Variants in EYA3 observed in about 807,000 individuals in gnomAD.
EYA3 encodes the protein EYA transcriptional coactivator and phosphatase 3, also known as protein phosphatase EYA3.
In EYA3, 39 loss-of-function variants were observed where a neutral mutation model predicts 80.0. The ratio of observed to expected loss-of-function variants is 0.49; its 90% CI spans 0.38 to 0.64. EYA3 has a LOEUF of 0.64. EYA3 is among the 30% of genes least tolerant of loss of function. EYA3 has a pLI of 0.00. For missense variants in EYA3, 523 were observed against 676.1 expected (o/e 0.77, Z 2.51); for synonymous variants, 206 against 232.8 (o/e 0.88, Z 1.05).
intron 1 of EYA3, among the ~76,000 whole-genome samples, chr1:28,060,020 A>AT (rs1410883820): frequency 6.6e-6 from 1 of 152,054 alleles, no homozygotes; most frequent in African/African-American, 2.4e-5. Flanking sequence ...CAAGTTGTTG[A>AT]TTTTTTGTGT....
chr1:27,983,427 ATTGT>A (rs1290036857), intron 16 of EYA3, among the ~76,000 whole-genome samples: 3 of 152,170 alleles, frequency 2.0e-5, no homozygotes, highest in Non-Finnish European at 2.9e-5. Flanking sequence ...TTCCCATTAC[ATTGT>A]TAGATTTAAG....
At chr1:28,035,425 G>T (rs1643391737) in intron 6 of EYA3, 119 bp downstream of exon 6, 1 of 1,080,948 alleles carries the variant, frequency 9.3e-7, no homozygotes. Flanking sequence ...CTGTTGCAAA[G>T]TTGCATACCC....
intron 15 of EYA3, among the ~76,000 whole-genome samples, chr1:27,989,443 C>T (rs981419645): frequency 6.6e-6 from 1 of 152,148 alleles, no homozygotes; most frequent in Non-Finnish European, 1.5e-5. Context: ...TTATGGGTTA[C>T]TGAGTTTTAA....
intron 8 of EYA3, among the ~76,000 whole-genome samples, chr1:28,016,767 C>A (rs1358109126): frequency 6.6e-6 from 1 of 152,114 alleles, no homozygotes; most frequent in Admixed American, 6.5e-5. Flanking sequence ...ATGAGTTGTT[C>A]ATTCCATAAA....
intron 1 of EYA3, among the ~76,000 whole-genome samples, chr1:28,079,739 T>C (rs369052710): frequency 1.5e-4 from 23 of 152,086 alleles, no homozygotes; most frequent in African/African-American, 4.3e-4. Flanking sequence ...GGTTAAGTTT[T>C]ACAGAATCCA....
intron 11 of EYA3, among the ~76,000 whole-genome samples, chr1:28,000,929 G>T: frequency 6.6e-6 from 1 of 152,098 alleles, no homozygotes; most frequent in Non-Finnish European, 1.5e-5. Flanking sequence ...GCTGGGCATG[G>T]TGGTGCACAC....
intron 1 of EYA3, among the ~76,000 whole-genome samples, chr1:28,086,267 G>A (rs910605645): frequency 1.9e-4 from 28 of 151,276 alleles, no homozygotes; most frequent in Non-Finnish European, 4.1e-4. Flanking sequence ...CTTGTGGAGC[G>A]CAGTGATGTG....
intron 12 of EYA3, chr1:27,998,453 C>T (rs1375973303): frequency 3.5e-6 from 1 of 289,210 alleles, no homozygotes; most frequent in Non-Finnish European, 5.2e-6. Context: ...AATTTATCAA[C>T]ATATGAAGTT....
intron 1 of EYA3, among the ~76,000 whole-genome samples, chr1:28,061,466 T>A (rs570309167): frequency 1.8e-4 from 27 of 152,172 alleles, no homozygotes; most frequent in Non-Finnish European, 2.8e-4. Context: ...TCATACTTAC[T>A]AGCAAGAGAT....
intron 16 of EYA3, among the ~76,000 whole-genome samples, chr1:27,984,343 T>C (rs1002518424): frequency 1.3e-5 from 2 of 152,194 alleles, no homozygotes; most frequent in African/African-American, 4.8e-5. Context: ...TTGTTATATT[T>C]AACTGTATGT....
intron 1 of EYA3, among the ~76,000 whole-genome samples, chr1:28,063,845 T>C (rs1444864187): frequency 6.6e-6 from 1 of 152,188 alleles, no homozygotes; most frequent in Non-Finnish European, 1.5e-5. Context: ...TATTTCATTT[T>C]TATCTTATTG....
At chr1:27,999,702 T>G (rs1640696601) in intron 12 of EYA3, among the ~76,000 whole-genome samples, 1 of 152,192 alleles carries the variant, frequency 6.6e-6, no homozygotes, top group African/African-American at 2.4e-5. Flanking sequence ...GCCTTTCCCC[T>G]AGTGCTAGAT....
chr1:28,012,220 C>T (rs75321555), intron 9 of EYA3, among the ~76,000 whole-genome samples: 3,198 of 152,284 alleles, frequency 0.021, 52 homozygotes, highest in Non-Finnish European at 0.032. Flanking sequence ...GTTCATCACA[C>T]TAGCCTTGCA....
chr1:28,041,017 A>G (rs1326138536), intron 4 of EYA3, among the ~76,000 whole-genome samples: 1 of 152,240 alleles, frequency 6.6e-6, no homozygotes, highest in Non-Finnish European at 1.5e-5. Context: ...CATATGAAAC[A>G]CAAATAATAG....
intron 2 of EYA3, among the ~76,000 whole-genome samples, chr1:28,050,254 G>A (rs536583803): frequency 4.8e-4 from 72 of 149,274 alleles, no homozygotes; most frequent in Non-Finnish European, 8.6e-4. Flanking sequence ...GTGCCATGGC[G>A]TAATCTCGGC....
At chr1:28,007,943 G>A (rs1641410661) in intron 10 of EYA3, among the ~76,000 whole-genome samples, 1 of 152,094 alleles carries the variant, frequency 6.6e-6, no homozygotes, top group South Asian at 2.1e-4. Flanking sequence ...AAACTGTCTT[G>A]AAATAGAACA....
chr1:28,081,690 G>A (rs1645435004), intron 1 of EYA3, among the ~76,000 whole-genome samples: 1 of 151,976 alleles, frequency 6.6e-6, no homozygotes, highest in Admixed American at 6.6e-5. Context: ...AAAGGGGGAG[G>A]GGCACAACAG....
At chr1:28,078,202 C>T (rs1420454747) in intron 1 of EYA3, among the ~76,000 whole-genome samples, 1 of 152,100 alleles carries the variant, frequency 6.6e-6, no homozygotes, top group Admixed American at 6.6e-5. Context: ...AATAGCAAAC[C>T]ATTAAAACTA....
chr1:28,085,354 T>C (rs1458223534), intron 1 of EYA3, among the ~76,000 whole-genome samples: 3 of 152,028 alleles, frequency 2.0e-5, no homozygotes, highest in Admixed American at 6.6e-5. Flanking sequence ...CTGGAGGCTG[T>C]GGGAGGATGA....
Sources: gnomAD v4.1 joint callset for allele counts (sites outside exome capture counted in the v4.1 genomes callset) on GRCh38, gnomAD v4.1.1 for gene constraint, MANE v1.5 for transcripts, NCBI Gene and HGNC (gene_info 2026-07-23, HGNC 2026-07-21) for gene names.